The following DNAH8 variants were observed in gnomAD, a reference collection of about 807,000 sequenced individuals.
The protein encoded by DNAH8 is dynein axonemal heavy chain 8, also known as axonemal beta dynein heavy chain 8.
Under a neutral mutation model 562.1 loss-of-function variants are expected in DNAH8, and 382 were observed. The ratio of observed to expected loss-of-function variants is 0.68; its 90% CI spans 0.63 to 0.74. The LOEUF (loss-of-function observed/expected upper bound fraction) is 0.74, where lower values mean the gene tolerates loss of function less well. DNAH8 is among the 30% of genes least tolerant of loss of function. The pLI is 0.00. For synonymous variants in DNAH8, 1,881 were observed against 1,919.4 expected, an observed-to-expected ratio of 0.98 and a Z score of 0.52; for missense variants, 5,203 against 5,620.4, an observed-to-expected ratio of 0.93 and a Z score of 2.37.
intron 62 of DNAH8, among the ~76,000 whole-genome samples, chr6:38,900,975 A>G (rs559110503): frequency 6.6e-6 from 1 of 152,240 alleles, no homozygotes; most frequent in Non-Finnish European, 1.5e-5. Flanking sequence ...CCAGATGGCT[A>G]ATGATGTTGA....
intron 79 of DNAH8, among the ~76,000 whole-genome samples, chr6:38,944,976 A>G (rs1214017228): frequency 6.6e-6 from 1 of 151,292 alleles, no homozygotes; most frequent in Non-Finnish European, 1.5e-5. Flanking sequence ...CCTTAACCCT[A>G]ACCCTAACCC....
chr6:38,819,247 A>G (rs1678706), intron 26 of DNAH8, among the ~76,000 whole-genome samples: 75,031 of 151,966 alleles, frequency 0.49, 19,514 homozygotes, highest in East Asian at 0.7. Context: ...AGGGATAAAC[A>G]TGTTGGTTTA....
intron 85 of DNAH8, among the ~76,000 whole-genome samples, chr6:38,978,008 C>T (rs934805962): frequency 6.6e-6 from 1 of 152,222 alleles, no homozygotes; most frequent in Non-Finnish European, 1.5e-5. Flanking sequence ...ATGGCCACAA[C>T]CCTTAAGGGA....
intron 26 of DNAH8, among the ~76,000 whole-genome samples, chr6:38,820,132 G>A (rs910873081): frequency 6.6e-6 from 1 of 152,084 alleles, no homozygotes; most frequent in Admixed American, 6.6e-5. Context: ...AGAAAAATTG[G>A]TGTTGAAGAA....
chr6:39,000,411 C>G (rs1278391981), intron 88 of DNAH8, among the ~76,000 whole-genome samples: 1 of 152,194 alleles, frequency 6.6e-6, no homozygotes, highest in African/African-American at 2.4e-5. Flanking sequence ...CAATACCAGT[C>G]CGTGGCCTGT....
Position 38,845,777 on chromosome 6 carries a change from A to G in DNAH8, c.5045+4A>G, listed in dbSNP as rs1775249816. ...TAGGGTCTTTACTCAGCAACAGGTAATTTTATAATTTGAGAGAGAGATTTA... is the reference window on the plus strand; with the variant it reads ...TAGGGTCTTTACTCAGCAACAGGTAGTTTTATAATTTGAGAGAGAGATTTA... On this transcript the variant is annotated splice_donor_region_variant and intron_variant, in intron 36 of 92. Coordinates refer to ENST00000327475, the MANE Select transcript of DNAH8 (RefSeq NM_001206927.2). 6.2e-7 allele frequency: 1 copy of G among 1,605,124 alleles called. No homozygotes were observed. The highest frequency in any genetic ancestry group is 1.1e-5 in the South Asian group (1 of 90,618).
intron 53 of DNAH8, among the ~76,000 whole-genome samples, chr6:38,880,372 T>G (rs1054965012): frequency 1.4e-4 from 21 of 152,146 alleles, no homozygotes; most frequent in African/African-American, 5.1e-4. Context: ...AAGGCCCAAA[T>G]AAGGGGACAG....
chr6:38,873,162 T>C lies in DNAH8; in HGVS notation c.7479+15T>C, dbSNP rs1284928296. 11 of 1,613,178 alleles carry C rather than the reference T, an allele frequency of 6.8e-6. No homozygotes were observed. The highest frequency in any genetic ancestry group is 3.4e-6 in the Non-Finnish European group (4 of 1,179,910). ...CAATCTTACAGGTGGGGCAGAGAGA[T>C]GGGAAGAAGAACCCTCAGAGTCTCT... On this transcript the variant is annotated intron_variant, in intron 51 of 92. Coordinates refer to ENST00000327475, the MANE Select transcript of DNAH8 (RefSeq NM_001206927.2).
At chr6:38,793,760 G>C (rs1488616126) in intron 21 of DNAH8, among the ~76,000 whole-genome samples, 1 of 151,538 alleles carries the variant, frequency 6.6e-6, no homozygotes, top group African/African-American at 2.4e-5. Context: ...TTTTTCTCAT[G>C]TCTTTATTCT....
intron 7 of DNAH8, among the ~76,000 whole-genome samples, chr6:38,738,367 G>A (rs1384472779): frequency 6.6e-6 from 1 of 152,196 alleles, no homozygotes; most frequent in African/African-American, 2.4e-5. Context: ...GGAGTTGTCT[G>A]TGCTGTCAAA....
In DNAH8 at chr6:38,855,250, G is replaced by A. The variant is rs139413566; in HGVS notation, c.5733+1903G>A. Reference sequence around the variant, plus strand: ...TCCTTGCTGCAAAATTTTGGAAAATGCAAAAAATATAAAAGTGGAATACAT... The same window carrying A: ...TCCTTGCTGCAAAATTTTGGAAAATACAAAAAATATAAAAGTGGAATACAT... On this transcript the variant is annotated intron_variant, in intron 41 of 92. Coordinates refer to ENST00000327475, the MANE Select transcript of DNAH8 (RefSeq NM_001206927.2). 3.5e-4 allele frequency among the ~76,000 whole-genome samples: 53 copies of A among 152,052 alleles called. No homozygotes were observed. The East Asian group carries it at 0.01, about 29-fold the overall frequency.
intron 30 of DNAH8, among the ~76,000 whole-genome samples, chr6:38,830,880 T>C (rs1053558521): frequency 6.6e-6 from 1 of 152,186 alleles, no homozygotes; most frequent in East Asian, 1.9e-4. Context: ...TTAATAACAT[T>C]TGTTTCTCAA....
intron 36 of DNAH8, 69 bp from the exon 37 acceptor site, chr6:38,848,579 A>G: frequency 7.9e-7 from 1 of 1,272,404 alleles, no homozygotes; most frequent in Non-Finnish European, 1.1e-6. Flanking sequence ...TCTGGAATTT[A>G]CTTCGGTAAG....
chr6:39,012,084 A>G lies in DNAH8; in HGVS notation c.13372-131A>G, dbSNP rs568883104. ...AATGGCAAGTTTGGTTCTGCAAGAC[A>G]TATTTTAGAATTCATTTGGGCTGGT... is the stretch of plus-strand genomic sequence containing the variant. On this transcript the variant is annotated intron_variant, in intron 89 of 92. Coordinates refer to ENST00000327475, the MANE Select transcript of DNAH8 (RefSeq NM_001206927.2). 9.3e-5 allele frequency: 55 copies of G among 594,228 alleles called. 1 individual carries two copies. The highest frequency in any genetic ancestry group is 1.1e-4 in the Non-Finnish European group (39 of 363,362). 36.8% of individuals were successfully genotyped at this position (594,228 alleles called of 1,614,324 possible).
chr6:38,856,395 A>G (rs190390537), intron 41 of DNAH8, among the ~76,000 whole-genome samples: 2 of 152,304 alleles, frequency 1.3e-5, no homozygotes, highest in Admixed American at 1.3e-4. Context: ...CAAGATAATG[A>G]TTGTAAAGAC....
At chr6:38,973,915 G>A (rs1763505976) in intron 84 of DNAH8, 102 bp downstream of exon 84, 2 of 847,876 alleles carry the variant, frequency 2.4e-6, no homozygotes, top group South Asian at 1.8e-5. Context: ...TGGTCCTGTA[G>A]GGTCTGGACT....
At chr6:38,996,716 A>G (rs1367988725) in intron 88 of DNAH8, among the ~76,000 whole-genome samples, 1 of 152,204 alleles carries the variant, frequency 6.6e-6, no homozygotes, top group Non-Finnish European at 1.5e-5. Flanking sequence ...TAGCGAATGC[A>G]GAGCAATGGC....
In DNAH8 at chr6:38,853,265, A is replaced by C; in HGVS notation, c.5651A>C (p.His1884Pro). ...DLLKMQMSSLHNIIRSAFYQI... is the reference protein window; with the variant it reads ...DLLKMQMSSLPNIIRSAFYQI... ...TTAAAAATGCAGATGTCATCATTACATAATATAATTAGATCCGCTTTCTAT... is the reference window on the plus strand; with the variant it reads ...TTAAAAATGCAGATGTCATCATTACCTAATATAATTAGATCCGCTTTCTAT... Residue 1884 changes from histidine (H) to proline (P), a missense_variant, in exon 41 of 93, where the codon CAT becomes CCT. Physicochemically the swap from His to Pro is moderately conservative, Grantham distance 77 (BLOSUM62 -2). This residue lies in a region of DNAH8 where 2,176 missense variants were observed against 2,365.1 expected (regional missense o/e 0.92). Coordinates refer to ENST00000327475, the MANE Select transcript of DNAH8 (RefSeq NM_001206927.2). The C allele has an allele frequency of 6.2e-7, 1 of 1,613,516 alleles. No individual in the cohort carries two copies. Among genetic ancestry groups the C allele is most frequent in the Non-Finnish European group, 8.5e-7 (1 of 1,179,702 alleles).
Position 38,977,714 on chromosome 6 carries a change from C to T in DNAH8, c.12834+3185C>T, listed in dbSNP as rs549584220. On this transcript the variant is annotated intron_variant, in intron 85 of 92. Transcript: ENST00000327475. ...TGAAACTCAATCATTACATTTTTAG[C>T]CACTTCCTAACACCTCCTGCAGAAG... Among the ~76,000 whole-genome samples the T allele has an allele frequency of 3.9e-5, 6 of 152,262 alleles. No individual in the cohort carries two copies. The South Asian group carries it at 1.2e-3, about 32-fold the overall frequency.
Sources: gnomAD v4.1 joint callset for allele counts (sites outside exome capture counted in the v4.1 genomes callset) on GRCh38, gnomAD v4.1.1 for gene constraint, gnomAD v4.1.1 regional missense constraint, MANE v1.5 for transcripts, NCBI Gene and HGNC (gene_info 2026-07-23, HGNC 2026-07-21) for gene names.